Variants in C10orf90 observed in about 807,000 individuals in gnomAD.
The protein encoded by C10orf90 is (E2-independent) E3 ubiquitin-conjugating enzyme FATS.
Under a neutral mutation model 62.5 loss-of-function variants are expected in C10orf90, and 56 were observed. The ratio of observed to expected loss-of-function variants is 0.90; its 90% CI spans 0.72 to 1.12. The LOEUF (loss-of-function observed/expected upper bound fraction) is 1.12, where lower values mean the gene tolerates loss of function less well. Among genes scored for constraint, C10orf90 ranks in the 50% most tolerant of loss-of-function variants. The probability of loss-of-function intolerance (pLI) is 0.00; values close to 1 mark genes in which losing one functional copy is unlikely to be tolerated. For synonymous variants in C10orf90, 386 were observed against 340.4 expected, an observed-to-expected ratio of 1.13 and a Z score of -1.47; for missense variants, 970 against 880.4, an observed-to-expected ratio of 1.10 and a Z score of -1.29.
At chr10:126,476,574 A>AAT (rs1860881660) in intron 4 of C10orf90, among the ~76,000 whole-genome samples, 1 of 152,222 alleles carries the variant, frequency 6.6e-6, no homozygotes, top group African/African-American at 2.4e-5. Context: ...TTAGACATTT[A>AAT]ATATCCTTCT....
At chr10:126,429,764 C>A in intron 8 of C10orf90, 23 bp downstream of exon 8, 1 of 1,611,392 alleles carries the variant, frequency 6.2e-7, no homozygotes, top group Non-Finnish European at 8.5e-7. Flanking sequence ...AACTTCTTTG[C>A]ACACCATACA....
intron 7 of C10orf90, among the ~76,000 whole-genome samples, chr10:126,432,268 T>A (rs1347728825): frequency 6.6e-6 from 1 of 152,188 alleles, no homozygotes; most frequent in Admixed American, 6.5e-5. Flanking sequence ...TGGCTCGTGG[T>A]TGCAGAAATT....
At chr10:126,496,783 C>G in intron 4 of C10orf90, 1 of 908,220 alleles carries the variant, frequency 1.1e-6, no homozygotes, top group Non-Finnish European at 1.3e-6. Flanking sequence ...GTGACATAAG[C>G]ATGGGCTTTG....
intron 7 of C10orf90, among the ~76,000 whole-genome samples, chr10:126,455,931 G>A (rs1236836199): frequency 6.6e-6 from 1 of 152,164 alleles, no homozygotes; most frequent in African/African-American, 2.4e-5. Flanking sequence ...GGCTTCTCTG[G>A]CATTGTCAGC....
chr10:126,549,012 A>G (rs1864568756), intron 2 of C10orf90, among the ~76,000 whole-genome samples: 1 of 151,532 alleles, frequency 6.6e-6, no homozygotes, highest in Non-Finnish European at 1.5e-5. Flanking sequence ...ATATAAAAAT[A>G]ACTCAAACAG....
At position 126,504,981 on chromosome 10, in the gene C10orf90, C is replaced by A. The variant is rs373665713; in HGVS notation, c.510G>T (p.Pro170=). 9.9e-6 allele frequency: 16 copies of A among 1,614,112 alleles called. No homozygotes were observed. In the African/African-American group the frequency reaches 2.1e-4, roughly 22 times the overall value. Reference sequence around the variant, plus strand: ...GTGCACGAGACTGAGCAATGGCACACGGTAGGGGCAAGGAGGCCCTGTTTT... The same window carrying A: ...GTGCACGAGACTGAGCAATGGCACAAGGTAGGGGCAAGGAGGCCCTGTTTT... ...SRENRASLPL[P]CAIAQSRAHH... is the part of the protein sequence containing the mutation. The change falls in exon 4 of 10, where the codon CCG becomes CCT. Residue 170 remains proline (P), a synonymous_variant. Transcript: ENST00000488181. The surrounding 1 kb of genome is among the most constrained non-coding windows in gnomAD (Gnocchi z 4.1).
chr10:126,556,480 A>T (rs1247584506), intron 2 of C10orf90, among the ~76,000 whole-genome samples: 2 of 152,138 alleles, frequency 1.3e-5, no homozygotes, highest in Non-Finnish European at 1.5e-5. Context: ...ATTTTCCTTC[A>T]TTGCTTATTT....
intron 2 of C10orf90, among the ~76,000 whole-genome samples, chr10:126,557,856 G>A (rs948664401): frequency 1.3e-5 from 2 of 151,580 alleles, no homozygotes; most frequent in South Asian, 4.2e-4. Flanking sequence ...TTTGACCATC[G>A]AGATGAGTTG....
chr10:126,530,089 T>A (rs1420267921), intron 2 of C10orf90, among the ~76,000 whole-genome samples: 1 of 152,178 alleles, frequency 6.6e-6, no homozygotes, highest in Non-Finnish European at 1.5e-5. Flanking sequence ...TGCATCAGTT[T>A]TTAATGGTGT....
chr10:126,627,044 C>T (rs1057108215), intron 2 of C10orf90, among the ~76,000 whole-genome samples: 14 of 149,620 alleles, frequency 9.4e-5, no homozygotes, highest in Admixed American at 6.0e-4. Flanking sequence ...CTGTCACCCA[C>T]GCTGGAGTGC....
At chr10:126,670,181 C>T (rs1846719255) in intron 1 of C10orf90, 60 bp downstream of exon 1, 2 of 437,870 alleles carry the variant, frequency 4.6e-6, no homozygotes, top group South Asian at 1.6e-5. Flanking sequence ...TGATGAGCAA[C>T]ACGTCCATCT....
At chr10:126,557,286 C>T (rs1246734431) in intron 2 of C10orf90, among the ~76,000 whole-genome samples, 1 of 151,904 alleles carries the variant, frequency 6.6e-6, no homozygotes, top group Non-Finnish European at 1.5e-5. Flanking sequence ...TTGAGACCAT[C>T]CTGGCTAACA....
At chr10:126,667,990 T>C (rs1226589303) in intron 1 of C10orf90, among the ~76,000 whole-genome samples, 1 of 152,144 alleles carries the variant, frequency 6.6e-6, no homozygotes, top group Non-Finnish European at 1.5e-5. Context: ...TCCTTGTTCC[T>C]ATCAGAAGGA....
chr10:126,508,649 C>T (rs7084170), intron 3 of C10orf90, among the ~76,000 whole-genome samples: 4,582 of 152,214 alleles, frequency 0.03, 230 homozygotes, highest in African/African-American at 0.1. Flanking sequence ...GGAAAGATGC[C>T]GGCCTAGGAC....
chr10:126,565,349 A>AAT (rs1554917312), intron 2 of C10orf90, among the ~76,000 whole-genome samples: 27 of 63,780 alleles, frequency 4.2e-4, no homozygotes, highest in African/African-American at 1.3e-3. Flanking sequence ...TATAATATAT[A>AAT]ATATATAATA....
intron 2 of C10orf90, among the ~76,000 whole-genome samples, chr10:126,634,395 T>C (rs932701733): frequency 6.6e-6 from 1 of 152,194 alleles, no homozygotes; most frequent in Admixed American, 6.5e-5. Flanking sequence ...ATTATTCCAC[T>C]GATATGAGGT....
intron 7 of C10orf90, among the ~76,000 whole-genome samples, chr10:126,449,104 A>G (rs1300864117): frequency 6.6e-6 from 1 of 152,212 alleles, no homozygotes; most frequent in African/African-American, 2.4e-5. Flanking sequence ...TTACAGACCA[A>G]TACCCCTGAT....
chr10:126,603,784 A>G (rs1232329500), intron 2 of C10orf90, among the ~76,000 whole-genome samples: 2 of 152,204 alleles, frequency 1.3e-5, no homozygotes, highest in Non-Finnish European at 2.9e-5. Context: ...TATACCTCCC[A>G]GGCCGAAAAG....
chr10:126,565,241 T>TA (rs1844334311), intron 2 of C10orf90, among the ~76,000 whole-genome samples: 4 of 46,140 alleles, frequency 8.7e-5, no homozygotes, highest in African/African-American at 2.6e-4. Flanking sequence ...TTATGTAATA[T>TA]AATATTTATT....
Sources: allele counts gnomAD v4.1 joint callset (sites outside exome capture counted in the v4.1 genomes callset), GRCh38; gene constraint gnomAD v4.1.1; non-coding constraint Gnocchi (gnomAD v3.1); transcripts MANE v1.5; gene names NCBI Gene and HGNC (gene_info 2026-07-23, HGNC 2026-07-21).